The following BIRC6 variants were observed in gnomAD, a reference collection of about 807,000 sequenced individuals.
BIRC6 encodes the protein baculoviral IAP repeat containing 6, also known as dual E2 ubiquitin-conjugating enzyme/E3 ubiquitin-protein ligase BIRC6.
In BIRC6, 98 loss-of-function variants were observed where a neutral mutation model predicts 503.3. The observed-to-expected ratio is 0.19, with a 90% CI of 0.17 to 0.23. BIRC6 has a LOEUF of 0.23. BIRC6 is among the 10% of genes least tolerant of loss of function. The probability of loss-of-function intolerance (pLI) is 1.00; values close to 1 mark genes in which losing one functional copy is unlikely to be tolerated. For synonymous variants in BIRC6, 2,240 were observed against 2,078.7 expected (o/e 1.08, Z -2.11); for missense variants, 5,360 against 5,806.0 (o/e 0.92, Z 2.50).
At chr2:32,466,885 C>T (rs1254812543) in intron 26 of BIRC6, among the ~76,000 whole-genome samples, 2 of 151,742 alleles carry the variant, frequency 1.3e-5, no homozygotes, top group Non-Finnish European at 2.9e-5. Flanking sequence ...TTTGGGAGGC[C>T]GAGGCGGGTG....
At chr2:32,407,705 G>A (rs1490142967) in intron 9 of BIRC6, among the ~76,000 whole-genome samples, 2 of 151,966 alleles carry the variant, frequency 1.3e-5, no homozygotes, top group Non-Finnish European at 2.9e-5. Context: ...TTTTTTGAAA[G>A]GCACTAAATG....
intron 65 of BIRC6, among the ~76,000 whole-genome samples, chr2:32,555,933 A>AG (rs1270304254): frequency 1.3e-5 from 2 of 150,766 alleles, no homozygotes; most frequent in South Asian, 2.1e-4. Context: ...AAAAAAAAAA[A>AG]GGTAGAGTAA....
At position 32,499,560 on chromosome 2, in the gene BIRC6, A is replaced by G. The variant is rs374461935; in HGVS notation, c.8482A>G (p.Thr2828Ala). Reference protein sequence around the residue: ...ILSTERGAFQTGQGPLDAQVK... With the variant: ...ILSTERGAFQAGQGPLDAQVK... Reference sequence around the variant, plus strand: ...CTCTCTCTGCAGGGGTGCTTTCCAGACAGGCCAAGGACCTCTCGATGCCCA... The same window carrying G: ...CTCTCTCTGCAGGGGTGCTTTCCAGGCAGGCCAAGGACCTCTCGATGCCCA... The change falls in exon 46 of 74, where the codon ACA becomes GCA. Residue 2828 changes from threonine to alanine, a missense_variant. This residue lies in a region of BIRC6 where 2,299 missense variants were observed against 2,267.2 expected (regional missense o/e 1.01). Coordinates refer to ENST00000421745, the MANE Select transcript of BIRC6 (RefSeq NM_016252.4). The G allele has an allele frequency of 5.0e-6, 8 of 1,605,738 alleles. No homozygotes were observed. Among genetic ancestry groups the G allele is most frequent in the Non-Finnish European group, 6.8e-6 (8 of 1,175,860 alleles).
intron 26 of BIRC6, among the ~76,000 whole-genome samples, chr2:32,465,599 T>C (rs2048458970): frequency 6.6e-6 from 1 of 152,200 alleles, no homozygotes; most frequent in Non-Finnish European, 1.5e-5. Flanking sequence ...AGTTTGAATG[T>C]TACCTGAGTT....
Position 32,415,727 on chromosome 2 carries a change from AATT to A in BIRC6, c.2437_2439del (p.Ile813del). On this transcript the variant is annotated inframe_deletion, in exon 10 of 74. Transcript: ENST00000421745. The stretch of plus-strand genomic sequence containing the variant: ...CAGCAGATGTACAGACTCCTTTAAT[AATT>A]CAGCCTGAGCAGAGGAATGTTAGTG... 6.2e-7 allele frequency: 1 copy of A among 1,613,880 alleles called. No homozygotes were observed. The highest frequency in any genetic ancestry group is 8.5e-7 in the Non-Finnish European group (1 of 1,179,854).
chr2:32,501,958 G>A, intron 47 of BIRC6, 70 bp downstream of exon 47: 2 of 1,372,192 alleles, frequency 1.5e-6, no homozygotes, highest in Admixed American at 4.4e-5. Context: ...AAAATTACAG[G>A]ACAAAGATAA....
chr2:32,507,820 G>T (rs558250323), intron 50 of BIRC6, among the ~76,000 whole-genome samples, 160 bp from the exon 51 acceptor site: 1 of 152,212 alleles, frequency 6.6e-6, no homozygotes, highest in South Asian at 2.1e-4. Flanking sequence ...ATTAATTATG[G>T]TGAAAGTCAT....
intron 42 of BIRC6, 76 bp downstream of exon 42, chr2:32,488,790 T>C: frequency 9.3e-7 from 1 of 1,070,222 alleles, no homozygotes; most frequent in Non-Finnish European, 1.3e-6. Context: ...AAAATATACC[T>C]AATCTTTGTC....
chr2:32,532,563 C>T lies in BIRC6; in HGVS notation c.12291+1012C>T, dbSNP rs574263130. ...CCTCATCTTAACTTGATTACATCTG[C>T]AAAGGCCCCATTTCCAAATAAGGTC... On this transcript the variant is annotated intron_variant, in intron 61 of 73. Coordinates refer to ENST00000421745, the MANE Select transcript of BIRC6 (RefSeq NM_016252.4). 3.9e-5 allele frequency among the ~76,000 whole-genome samples: 6 copies of T among 152,276 alleles called. No individual in the cohort carries two copies. The East Asian group carries it at 1.2e-3, about 29-fold the overall frequency.
intron 3 of BIRC6, 53 bp from the exon 4 acceptor site, chr2:32,388,697 G>A (rs2038830245): frequency 3.9e-6 from 5 of 1,279,342 alleles, no homozygotes; most frequent in Non-Finnish European, 4.2e-6. Flanking sequence ...TTATGATTTT[G>A]GTTAAAACTG....
At chr2:32,370,698 A>T (rs1206183630) in intron 1 of BIRC6, among the ~76,000 whole-genome samples, 1 of 152,152 alleles carries the variant, frequency 6.6e-6, no homozygotes, top group Admixed American at 6.6e-5. Context: ...TTTTTAAAAA[A>T]TTTTAAAAAT....
intron 11 of BIRC6, among the ~76,000 whole-genome samples, chr2:32,430,649 T>C (rs886228595): frequency 1.3e-5 from 2 of 152,098 alleles, no homozygotes; most frequent in Non-Finnish European, 2.9e-5. Context: ...ATTTTAAATA[T>C]TTAAGTTAGA....
At chr2:32,594,171 T>C (rs969279113) in intron 67 of BIRC6, 111 bp downstream of exon 67, 1 of 1,208,436 alleles carries the variant, frequency 8.3e-7, no homozygotes. Flanking sequence ...TTAAAGCAAG[T>C]TCATTTACCT....
At chr2:32,543,033 C>G (rs2057793325) in intron 61 of BIRC6, among the ~76,000 whole-genome samples, 1 of 152,200 alleles carries the variant, frequency 6.6e-6, no homozygotes, top group East Asian at 1.9e-4. Flanking sequence ...TTCCTGACCT[C>G]AAGTAATCCA....
At chr2:32,409,907 T>A (rs2041664959) in intron 9 of BIRC6, among the ~76,000 whole-genome samples, 1 of 152,232 alleles carries the variant, frequency 6.6e-6, no homozygotes, top group South Asian at 2.1e-4. Flanking sequence ...GTCATCAGTG[T>A]GCTTTGTCAC....
chr2:32,415,416 G>A lies in BIRC6; in HGVS notation c.2125G>A (p.Val709Met). The A allele has an allele frequency of 1.2e-6, 2 of 1,613,996 alleles. No homozygotes were observed. The highest frequency in any genetic ancestry group is 1.1e-5 in the South Asian group (1 of 91,080). ...TCCGGATTCTGAGAAGTGGAACTCT[G>A]TGTTTCCCAAGCCTGGGACTTTGGT... is the stretch of plus-strand genomic sequence containing the variant. The part of the protein sequence containing the change: ...TSPDSEKWNS[V>M]FPKPGTLVQC... The change falls in exon 10 of 74, where the codon GTG (valine) becomes ATG (methionine). Residue 709 changes from valine (V) to methionine (M), a missense_variant. Transcript: ENST00000421745.
At chr2:32,565,452 T>A (rs1032236552) in intron 65 of BIRC6, 2 of 152,222 alleles carry the variant, frequency 1.3e-5, no homozygotes, top group African/African-American at 4.8e-5. Flanking sequence ...TTTAAGGTGG[T>A]ATCTAATAAA....
rs113940115 is a variant in BIRC6 at position 32,497,052 on chromosome 2, T to G, written c.8469-2495T>G. On this transcript the variant is annotated intron_variant, in intron 45 of 73. Transcript: ENST00000421745. ...GATAGTAAGTTGAGGAAGTTCCAGT[T>G]TGTTTCTAACTTGCTAAGACCTTAA... Among the ~76,000 whole-genome samples the G allele has an allele frequency of 9.7e-3, 1,480 of 152,342 alleles. 20 individuals are homozygous for G. Among genetic ancestry groups the G allele is most frequent in the Admixed American group, 0.014 (221 of 15,308 alleles).
At chr2:32,443,973 T>C (rs1315364266) in intron 20 of BIRC6, among the ~76,000 whole-genome samples, 3 of 151,660 alleles carry the variant, frequency 2.0e-5, no homozygotes, top group South Asian at 4.2e-4. Flanking sequence ...CACATGCATA[T>C]GTTTTGTGTG....
Sources: allele counts gnomAD v4.1 joint callset (sites outside exome capture counted in the v4.1 genomes callset), GRCh38; gene constraint gnomAD v4.1.1; regional missense constraint gnomAD v4.1.1; transcripts MANE v1.5; gene names NCBI Gene and HGNC (gene_info 2026-07-23, HGNC 2026-07-21).